Variants in PKHD1 observed in about 807,000 individuals in gnomAD.
PKHD1 encodes fibrocystin.
In PKHD1, 291 loss-of-function variants were observed where a neutral mutation model predicts 412.0. The observed-to-expected ratio is 0.71, with a 90% CI of 0.64 to 0.78. The LOEUF (loss-of-function observed/expected upper bound fraction) is 0.78, where lower values mean the gene tolerates loss of function less well. PKHD1 is among the 30% of genes least tolerant of loss of function. The pLI is 0.00. For missense variants in PKHD1, 4,825 were observed against 4,950.7 expected, an observed-to-expected ratio of 0.97 and a Z score of 0.76; for synonymous variants, 1,777 against 1,821.5, an observed-to-expected ratio of 0.98 and a Z score of 0.62.
intron 52 of PKHD1, among the ~76,000 whole-genome samples, chr6:51,822,116 C>T (rs1414066143): frequency 5.3e-5 from 8 of 152,180 alleles, no homozygotes; most frequent in African/African-American, 1.9e-4. Flanking sequence ...CCGGGCAGTA[C>T]TGTAACCAGA....
intron 47 of PKHD1, among the ~76,000 whole-genome samples, chr6:51,868,901 G>C (rs540241651): frequency 6.6e-6 from 1 of 152,080 alleles, no homozygotes; most frequent in East Asian, 1.9e-4. Context: ...AGGAAAGTAT[G>C]GCAGTGATCT....
intron 60 of PKHD1, chr6:51,740,125 A>T (rs1296052262): frequency 2.1e-6 from 1 of 466,340 alleles, no homozygotes. Flanking sequence ...GCTTGGCATG[A>T]GCTGTCTTGC....
chr6:51,861,963 C>G (rs1045470779), intron 48 of PKHD1, among the ~76,000 whole-genome samples: 1 of 152,166 alleles, frequency 6.6e-6, no homozygotes, highest in Non-Finnish European at 1.5e-5. Context: ...TATTTGAGAA[C>G]ACGAGAACAC....
At chr6:51,663,978 C>T (rs898894131) in intron 60 of PKHD1, among the ~76,000 whole-genome samples, 3 of 152,070 alleles carry the variant, frequency 2.0e-5, no homozygotes, top group Non-Finnish European at 4.4e-5. Context: ...AATAAATACA[C>T]ATGGGTGGAA....
chr6:51,616,790 T>G lies in PKHD1; in HGVS notation c.*2291A>C. On this transcript the variant is annotated 3_prime_UTR_variant, in exon 67 of 67. Transcript: ENST00000371117. ...CCAGAAAGACTGGTCTTGTGACACA[T>G]AGAGGATAAATAAGAAGATAATAAA... is the stretch of plus-strand genomic sequence containing the variant. The G allele has an allele frequency of 2.5e-6, 1 of 397,600 alleles. No individual in the cohort carries two copies. The highest frequency in any genetic ancestry group is 4.4e-6 in the Non-Finnish European group (1 of 225,498). The allele number at this position is 397,600 out of a possible 1,614,324, so 24.6% of individuals were successfully genotyped here. A position where few individuals can be genotyped will look rare whatever the true frequency, so the allele number is the denominator to read the frequency against.
At chr6:51,660,649 GT>G (rs911935921) in intron 60 of PKHD1, among the ~76,000 whole-genome samples, 1 of 152,232 alleles carries the variant, frequency 6.6e-6, no homozygotes, top group African/African-American at 2.4e-5. Flanking sequence ...ATTTACTTAT[GT>G]TTTTTCATTT....
intron 35 of PKHD1, among the ~76,000 whole-genome samples, chr6:51,992,716 A>G (rs1030573828): frequency 2.6e-5 from 4 of 152,260 alleles, no homozygotes; most frequent in Non-Finnish European, 4.4e-5. Flanking sequence ...ATTTCATGCC[A>G]CATGGCAGAG....
Position 51,847,855 on chromosome 6 carries a change from A to T in PKHD1, c.8027T>A (p.Phe2676Tyr). ...LRCGSRVGLS[F>Y]PFLPSPGQNQ... The stretch of plus-strand genomic sequence containing the variant: ...CTGACCTGGTGATGGAAGAAATGGA[A>T]AAGACAGACCCACTCGACTCCCACA... Residue 2676 changes from phenylalanine (F) to tyrosine (Y), a missense_variant, in exon 50 of 67, where the codon TTT becomes TAT. By Grantham distance (22) the Phe-to-Tyr change is conservative. Coordinates refer to ENST00000371117, the MANE Select transcript of PKHD1 (RefSeq NM_138694.4). 6.2e-7 allele frequency: 1 copy of T among 1,614,086 alleles called. No homozygotes were observed. Among genetic ancestry groups the T allele is most frequent in the East Asian group, 2.2e-5 (1 of 44,890 alleles).
intron 60 of PKHD1, among the ~76,000 whole-genome samples, chr6:51,671,520 G>T (rs936485091): frequency 6.6e-6 from 1 of 152,156 alleles, no homozygotes; most frequent in Non-Finnish European, 1.5e-5. Context: ...GGAGTAATTT[G>T]ATCGTCTGAA....
rs1311745343 is a variant in PKHD1 at position 52,053,231 on chromosome 6, T to C, written c.1985A>G (p.Asp662Gly). 6.2e-7 allele frequency: 1 copy of C among 1,613,984 alleles called. No individual in the cohort carries two copies. Among genetic ancestry groups the C allele is most frequent in the Non-Finnish European group, 8.5e-7 (1 of 1,179,978 alleles). Residue 662 changes from aspartate (D) to glycine (G), a missense_variant, in exon 21 of 67, where the codon GAC (aspartate) becomes GGC (glycine). Asp to Gly is a moderately conservative substitution (Grantham distance 94). Coordinates refer to ENST00000371117, the MANE Select transcript of PKHD1 (RefSeq NM_138694.4). ...SPESWQFDCT[D>G]LWETCVRCFG... ...GCAACGCACACAAGTCTCCCAGAGG[T>C]CAGTGCAATCGAACTGCCAGCTGAA...
chr6:51,745,142 T>C (rs1785033871), intron 59 of PKHD1, among the ~76,000 whole-genome samples: 1 of 152,156 alleles, frequency 6.6e-6, no homozygotes, highest in Admixed American at 6.6e-5. Flanking sequence ...CCATTAGTAA[T>C]AATATTAAAT....
chr6:51,742,845 T>C (rs1464847682), intron 60 of PKHD1, among the ~76,000 whole-genome samples: 1 of 152,136 alleles, frequency 6.6e-6, no homozygotes, highest in Non-Finnish European at 1.5e-5. Flanking sequence ...AGAAAAATGA[T>C]CTCATGATTA....
At chr6:52,010,953 C>G (rs1799735629) in intron 34 of PKHD1, among the ~76,000 whole-genome samples, 1 of 152,118 alleles carries the variant, frequency 6.6e-6, no homozygotes, top group African/African-American at 2.4e-5. Flanking sequence ...GTCCCTAATT[C>G]CAACTGTGAA....
chr6:51,906,159 T>TGA, intron 41 of PKHD1, 56 bp downstream of exon 41: 1 of 1,502,400 alleles, frequency 6.7e-7, no homozygotes, highest in Non-Finnish European at 9.2e-7. Flanking sequence ...GAATTCATTG[T>TGA]GAAAAACTGT....
At chr6:51,977,828 G>A (rs1794653225) in intron 35 of PKHD1, among the ~76,000 whole-genome samples, 1 of 152,178 alleles carries the variant, frequency 6.6e-6, no homozygotes, top group African/African-American at 2.4e-5. Context: ...GAGGGAAGAG[G>A]GGGCACTGGT....
chr6:51,725,519 G>T, intron 60 of PKHD1, among the ~76,000 whole-genome samples: 1 of 152,128 alleles, frequency 6.6e-6, no homozygotes, highest in Non-Finnish European at 1.5e-5. Context: ...AAAGAAGAAG[G>T]AAAGGAAACA....
At chr6:51,970,789 A>C (rs923536967) in intron 35 of PKHD1, among the ~76,000 whole-genome samples, 1 of 152,156 alleles carries the variant, frequency 6.6e-6, no homozygotes, top group African/African-American at 2.4e-5. Flanking sequence ...TGGGTTGTCC[A>C]TTATATTCTA....
chr6:52,065,184 G>GAGAGAC lies in PKHD1; in HGVS notation c.881-135_881-134insGTCTCT, dbSNP rs1554220745. 610 of 119,082 alleles carry GAGAGAC rather than the reference G, an allele frequency of 5.1e-3. 3 individuals are homozygous for GAGAGAC. Among genetic ancestry groups the GAGAGAC allele is most frequent in the African/African-American group, 0.016 (343 of 21,316 alleles). The allele number at this position is 119,082 out of a possible 1,614,324, so 7.4% of individuals were successfully genotyped here. A position where few individuals can be genotyped will look rare whatever the true frequency, so the allele number is the denominator to read the frequency against. ...ATATATATATAGAGAGAGAGAGAGA[G>GAGAGAC]AGAGAGAGAGAGACAGAGAGAGAGA... On this transcript the variant is annotated intron_variant, in intron 12 of 66. Transcript: ENST00000371117.
At chr6:51,841,077 G>C (rs1770102712) in intron 50 of PKHD1, among the ~76,000 whole-genome samples, 1 of 152,052 alleles carries the variant, frequency 6.6e-6, no homozygotes, top group African/African-American at 2.4e-5. Context: ...TTATGAAAAT[G>C]GTACTAAAAT....
Sources: allele counts gnomAD v4.1 joint callset (sites outside exome capture counted in the v4.1 genomes callset), GRCh38; gene constraint gnomAD v4.1.1; transcripts MANE v1.5; gene names NCBI Gene and HGNC (gene_info 2026-07-23, HGNC 2026-07-21).